Variants in CDK8 observed in about 807,000 individuals in gnomAD.
CDK8 encodes cyclin-dependent kinase 8.
A neutral mutation model predicts 71.5 loss-of-function variants in CDK8; 29 were observed. The ratio of observed to expected loss-of-function variants is 0.41; its 90% CI spans 0.30 to 0.55. The LOEUF is 0.55. CDK8 is among the 20% of genes least tolerant of loss of function. The probability of loss-of-function intolerance (pLI) is 0.37; values close to 1 mark genes in which losing one functional copy is unlikely to be tolerated. For missense variants in CDK8, 288 were observed against 572.6 expected (o/e 0.50, Z 5.07); for synonymous variants, 161 against 192.1 (o/e 0.84, Z 1.34).
intron 4 of CDK8, among the ~76,000 whole-genome samples, chr13:26,369,126 G>C (rs868038544): frequency 6.6e-6 from 1 of 151,894 alleles, no homozygotes; most frequent in Non-Finnish European, 1.5e-5. Flanking sequence ...GGAATTATTT[G>C]TTCCTTGAAA....
At chr13:26,307,792 A>T (rs559126460) in intron 1 of CDK8, among the ~76,000 whole-genome samples, 1 of 152,334 alleles carries the variant, frequency 6.6e-6, no homozygotes, top group East Asian at 1.9e-4. Flanking sequence ...ATTGCTGTGC[A>T]TGTTTAAACT....
chr13:26,275,079 A>G (rs531423500), intron 1 of CDK8, among the ~76,000 whole-genome samples: 124 of 152,150 alleles, frequency 8.1e-4, no homozygotes, highest in African/African-American at 2.7e-3. Flanking sequence ...TGCTTTTATC[A>G]TTACCCTACA....
chr13:26,282,774 GA>G (rs1872812070), intron 1 of CDK8, among the ~76,000 whole-genome samples: 1 of 152,188 alleles, frequency 6.6e-6, no homozygotes, highest in Non-Finnish European at 1.5e-5. Context: ...TATAATGGCA[GA>G]ATGGATACAA....
chr13:26,285,168 G>A (rs1039444171), intron 1 of CDK8, among the ~76,000 whole-genome samples: 2 of 152,166 alleles, frequency 1.3e-5, no homozygotes, highest in Admixed American at 6.5e-5. Context: ...GAACCCGAGA[G>A]GTCGAGTGAG....
At chr13:26,356,037 C>T (rs1353075202) in intron 4 of CDK8, among the ~76,000 whole-genome samples, 1 of 151,986 alleles carries the variant, frequency 6.6e-6, no homozygotes, top group Non-Finnish European at 1.5e-5. Flanking sequence ...TAAAGCTCTT[C>T]CTGCTAATGC....
rs755117015 is a variant in CDK8, at chr13:26,353,915, A to G, written c.456+35A>G. ...CCTGTAATTGGTTTAAACTAGAAAG[A>G]TGCATTACAGTTGGATACTTTTCTA... On this transcript the variant is annotated intron_variant, in intron 4 of 12. Coordinates refer to ENST00000381527, the MANE Select transcript of CDK8 (RefSeq NM_001260.3). 2.5e-6 allele frequency: 4 copies of G among 1,590,130 alleles called. No homozygotes were observed. The Admixed American group carries it at 6.7e-5, about 27-fold the overall frequency.
chr13:26,378,770 C>T (rs184823506), intron 4 of CDK8, among the ~76,000 whole-genome samples: 33 of 152,318 alleles, frequency 2.2e-4, no homozygotes, highest in African/African-American at 7.9e-4. Flanking sequence ...AAAGTTACCT[C>T]TAATCACTTC....
At chr13:26,272,452 G>C (rs1253245650) in intron 1 of CDK8, among the ~76,000 whole-genome samples, 1 of 152,172 alleles carries the variant, frequency 6.6e-6, no homozygotes, top group Non-Finnish European at 1.5e-5. Context: ...GAGGGGTAGT[G>C]CAGACATGGA....
At chr13:26,328,269 A>T (rs1875117877) in intron 1 of CDK8, among the ~76,000 whole-genome samples, 1 of 152,256 alleles carries the variant, frequency 6.6e-6, no homozygotes, top group African/African-American at 2.4e-5. Context: ...GCCTTTAGGT[A>T]ATTCACAGTT....
chr13:26,362,354 C>T (rs1236445265), intron 4 of CDK8, among the ~76,000 whole-genome samples: 1 of 152,060 alleles, frequency 6.6e-6, no homozygotes, highest in Non-Finnish European at 1.5e-5. Context: ...TGCCAACTGC[C>T]AGCTGAAGAA....
chr13:26,278,330 A>G (rs749859189), intron 1 of CDK8, among the ~76,000 whole-genome samples: 26 of 152,232 alleles, frequency 1.7e-4, no homozygotes, highest in Non-Finnish European at 2.8e-4. Flanking sequence ...CTCATTTTAC[A>G]TTTTTAAAAT....
chr13:26,309,203 G>A (rs1007721224), intron 1 of CDK8, among the ~76,000 whole-genome samples: 8 of 149,870 alleles, frequency 5.3e-5, no homozygotes, highest in African/African-American at 2.0e-4. Flanking sequence ...GCGGTGGCGC[G>A]ATCTCAGCTC....
At chr13:26,300,163 A>G (rs780510993) in intron 1 of CDK8, among the ~76,000 whole-genome samples, 2 of 152,166 alleles carry the variant, frequency 1.3e-5, no homozygotes, top group Non-Finnish European at 2.9e-5. Context: ...AGGATAAATC[A>G]TGCACTAGGT....
intron 2 of CDK8, among the ~76,000 whole-genome samples, chr13:26,348,094 A>T (rs1873534371): frequency 6.6e-6 from 1 of 151,662 alleles, no homozygotes; most frequent in Admixed American, 6.6e-5. Context: ...ATCTATATAG[A>T]TATATATATA....
intron 1 of CDK8, among the ~76,000 whole-genome samples, chr13:26,320,749 A>C (rs1874736022): frequency 6.6e-6 from 1 of 152,222 alleles, no homozygotes; most frequent in Non-Finnish European, 1.5e-5. Context: ...AAGATATACA[A>C]ATGGCTAAGA....
intron 1 of CDK8, among the ~76,000 whole-genome samples, chr13:26,279,136 G>C (rs1035161003): frequency 1.3e-5 from 2 of 150,452 alleles, no homozygotes; most frequent in African/African-American, 4.9e-5. Context: ...CATCTCGATA[G>C]TAAAAAAGGT....
At position 26,298,676 on chromosome 13, in the gene CDK8, C is replaced by T. The variant is rs890465136; in HGVS notation, c.129-38891C>T. Among the ~76,000 whole-genome samples the T allele has an allele frequency of 5.3e-5, 8 of 152,182 alleles. No homozygotes were observed. In the South Asian group the frequency reaches 6.2e-4, roughly 12 times the overall value. ...AACCCACAGCAGGGGATTAGTTGTG[C>T]GAAAACCATTTGTGGCACTCAGAGA... On this transcript the variant is annotated intron_variant, in intron 1 of 12. Transcript: ENST00000381527.
intron 1 of CDK8, among the ~76,000 whole-genome samples, chr13:26,260,121 C>G (rs1487804413): frequency 6.6e-6 from 1 of 151,940 alleles, no homozygotes; most frequent in African/African-American, 2.4e-5. Context: ...TTCTGCAGAC[C>G]CCAGCAAATT....
intron 1 of CDK8, among the ~76,000 whole-genome samples, chr13:26,323,315 GA>G (rs1488543103): frequency 6.8e-5 from 9 of 133,146 alleles, no homozygotes; most frequent in African/African-American, 2.5e-4. Context: ...GAGAGAGAGA[GA>G]GAGAGAGAGA....
Sources: allele counts gnomAD v4.1 joint callset (sites outside exome capture counted in the v4.1 genomes callset), GRCh38; gene constraint gnomAD v4.1.1; transcripts MANE v1.5; gene names NCBI Gene and HGNC (gene_info 2026-07-23, HGNC 2026-07-21).